TEX9: variants seen among roughly 807,000 people sequenced by gnomAD.
The protein encoded by TEX9 is testis expressed 9, also known as testis-expressed protein 9.
TEX9 carries 74 observed loss-of-function variants against 59.6 expected under a neutral mutation model. The observed-to-expected ratio is 1.24, with a 90% CI of 1.03 to 1.51. TEX9 has a LOEUF of 1.51. Among genes scored for constraint, TEX9 ranks in the 40% most tolerant of loss-of-function variants. The pLI, the probability that TEX9 is intolerant of heterozygous loss-of-function variation, is 0.00. For missense variants in TEX9, 522 were observed against 447.8 expected (o/e 1.17, Z -1.49); for synonymous variants, 186 against 152.2 (o/e 1.22, Z -1.64).
chr15:56,453,036 A>G, the TEX9 span, among the ~76,000 whole-genome samples: 1 of 152,266 alleles, frequency 6.6e-6, no homozygotes, highest in East Asian at 1.9e-4. Flanking sequence ...TCTATTAGTC[A>G]GTTATATTTT....
At position 56,383,936 on chromosome 15, in the gene TEX9, T is replaced by C. The variant is rs1461754431; in HGVS notation, c.184-16T>C. On this transcript the variant is annotated splice_polypyrimidine_tract_variant and intron_variant, in intron 3 of 12. Coordinates refer to ENST00000352903, the Ensembl canonical transcript of TEX9. ...TTTTTTCTATATGATATATTACCTA[T>C]CTTTACTCATTTAAGAGAGATCGGC... 1.3e-6 allele frequency: 2 copies of C among 1,595,992 alleles called. No homozygotes were observed. Among genetic ancestry groups the C allele is most frequent in the Admixed American group, 1.7e-5 (1 of 57,776 alleles).
At chr15:56,274,741 A>T (rs1341358683) in intron 1 of TEX9, 1 of 151,156 alleles carries the variant, frequency 6.6e-6, no homozygotes, top group Non-Finnish European at 1.5e-5. Flanking sequence ...TTTTTCTCCT[A>T]CCATTATTGT....
downstream of TEX9, chr15:56,446,934 A>C (rs776203785): frequency 1.2e-6 from 2 of 1,607,156 alleles, no homozygotes; most frequent in Non-Finnish European, 1.7e-6. Flanking sequence ...CCAATTCTCT[A>C]AGCTCAATGC....
At position 56,325,047 on chromosome 15, in the gene TEX9, T is replaced by C. The variant is rs566270645; in HGVS notation, c.-106-48394T>C. 2.6e-4 allele frequency among the ~76,000 whole-genome samples: 39 copies of C among 152,288 alleles called. No homozygotes were observed. In the South Asian group the frequency reaches 2.7e-3, roughly 11 times the overall value. ...TAATAATCAGAAATAATCAAACAGG[T>C]TTAAGTCAGTTTGGCAATACACTGT... is the stretch of plus-strand genomic sequence containing the variant. On this transcript the variant is annotated intron_variant, in intron 1 of 5. Transcript: ENST00000560827.
chr15:56,337,902 A>G (rs1329809149), intron 1 of TEX9, among the ~76,000 whole-genome samples: 2 of 151,986 alleles, frequency 1.3e-5, no homozygotes, highest in Non-Finnish European at 2.9e-5. Context: ...GCTTAAATAA[A>G]CTCTTTAAAA....
At chr15:56,361,921 C>T (rs535306071), upstream of TEX9, among the ~76,000 whole-genome samples, 1 of 146,700 alleles carries the variant, frequency 6.8e-6, no homozygotes, top group Non-Finnish European at 1.5e-5. Context: ...CCTGGTGATA[C>T]TTCTAGCCTG....
upstream of TEX9, among the ~76,000 whole-genome samples, chr15:56,361,600 A>C (rs1340858714): frequency 2.6e-5 from 4 of 151,838 alleles, no homozygotes; most frequent in Admixed American, 6.6e-5. Context: ...AAAGTGTGCC[A>C]CCTCCCCCTC....
At chr15:56,400,562 C>T (rs2048718859) in intron 9 of TEX9, among the ~76,000 whole-genome samples, 1 of 152,188 alleles carries the variant, frequency 6.6e-6, no homozygotes, top group Non-Finnish European at 1.5e-5. Context: ...AAACACTCTT[C>T]AGGATATTTC....
intron 12 of TEX9, among the ~76,000 whole-genome samples, chr15:56,432,369 G>A (rs1478017736): frequency 6.6e-6 from 1 of 152,172 alleles, no homozygotes; most frequent in Non-Finnish European, 1.5e-5. Context: ...GGAAGTTTCA[G>A]ATTTTGTCTG....
chr15:56,407,689 TC>T (rs2049144860), intron 9 of TEX9, among the ~76,000 whole-genome samples: 2 of 152,166 alleles, frequency 1.3e-5, no homozygotes, highest in South Asian at 4.1e-4. Context: ...CAATTCCCTC[TC>T]CCACTTTTGG....
intron 1 of TEX9, among the ~76,000 whole-genome samples, chr15:56,351,222 G>A (rs187309210): frequency 1.3e-5 from 2 of 151,650 alleles, no homozygotes; most frequent in African/African-American, 4.8e-5. Flanking sequence ...CCAAAGTAAC[G>A]TTGTTCTGAA....
chr15:56,320,046 A>G (rs1043855047), intron 1 of TEX9, among the ~76,000 whole-genome samples: 2 of 152,192 alleles, frequency 1.3e-5, no homozygotes, highest in Non-Finnish European at 2.9e-5. Context: ...GTAATTAACT[A>G]GTCTCCCCTG....
chr15:56,383,208 C>G (rs1206101873), intron 3 of TEX9, among the ~76,000 whole-genome samples: 1 of 152,212 alleles, frequency 6.6e-6, no homozygotes, highest in Admixed American at 6.5e-5. Context: ...GTCGCCCAGT[C>G]ACTGTGCTGT....
intron 1 of TEX9, among the ~76,000 whole-genome samples, chr15:56,288,313 AT>A (rs1288986453): frequency 3.3e-5 from 5 of 151,134 alleles, no homozygotes; most frequent in Admixed American, 1.3e-4. Context: ...TTTTACTAGA[AT>A]TTTTTTTTAC....
At chr15:56,262,598 T>G (rs1197818879) in intron 1 of TEX9, among the ~76,000 whole-genome samples, 2 of 152,250 alleles carry the variant, frequency 1.3e-5, no homozygotes, top group Admixed American at 6.5e-5. Context: ...TAGTGTCATA[T>G]CGATATATCA....
chr15:56,327,963 C>T (rs934165833), intron 1 of TEX9, among the ~76,000 whole-genome samples: 1 of 152,004 alleles, frequency 6.6e-6, no homozygotes, highest in African/African-American at 2.4e-5. Flanking sequence ...GGCTTGAGGC[C>T]AATGGACTTG....
intron 9 of TEX9, among the ~76,000 whole-genome samples, chr15:56,401,761 C>T (rs952769140): frequency 1.3e-5 from 2 of 152,130 alleles, no homozygotes; most frequent in Middle Eastern, 3.2e-3. Context: ...TGTAAAAGAA[C>T]AGAAATCACA....
chr15:56,262,530 A>G (rs575345391), intron 1 of TEX9, among the ~76,000 whole-genome samples: 1 of 152,198 alleles, frequency 6.6e-6, no homozygotes, highest in African/African-American at 2.4e-5. Flanking sequence ...CATATAGCCT[A>G]TTTTGACAAA....
chr15:56,418,768 G>C (rs1417841934), intron 10 of TEX9, among the ~76,000 whole-genome samples: 1 of 151,936 alleles, frequency 6.6e-6, no homozygotes. Flanking sequence ...ATCGAATTTA[G>C]ATAATCTATC....
Sources: allele counts gnomAD v4.1 joint callset (sites outside exome capture counted in the v4.1 genomes callset), GRCh38; gene constraint gnomAD v4.1.1; transcripts MANE v1.5; gene names NCBI Gene and HGNC (gene_info 2026-07-23, HGNC 2026-07-21).